Variants in MYPN observed in about 807,000 individuals in gnomAD.
MYPN encodes sarcomeric protein myopalladin, 145 kDa (MYOP).
MYPN carries 63 observed loss-of-function variants against 129.4 expected under a neutral mutation model. The ratio of observed to expected loss-of-function variants is 0.49; its 90% CI spans 0.40 to 0.60. The LOEUF is 0.60. MYPN is among the 20% of genes least tolerant of loss of function. MYPN has a pLI of 0.00. For synonymous variants in MYPN, 629 were observed against 600.9 expected (o/e 1.05, Z -0.68); for missense variants, 1,596 against 1,635.4 (o/e 0.98, Z 0.42).
In MYPN at chr10:68,121,955, A is replaced by G. The variant is rs761512991; in HGVS notation, c.517A>G (p.Ile173Val). The change falls in exon 2 of 20, where the codon ATT (isoleucine) becomes GTT (valine). Residue 173 changes from isoleucine (I) to valine (V), a missense_variant. By Grantham distance (29) the Ile-to-Val change is conservative. Coordinates refer to ENST00000358913, the MANE Select transcript of MYPN (RefSeq NM_032578.4). ...TTTCAAATCCCACAGCTCCAAAAGG[A>G]TTAGACCTCGTGCCTGCAAAAACCA... ...SLFKSHSSKR[I>V]RPRACKNHKS... The G allele has an allele frequency of 6.2e-7, 1 of 1,614,218 alleles. No homozygotes were observed. The highest frequency in any genetic ancestry group is 8.5e-7 in the Non-Finnish European group (1 of 1,180,038).
exon 1 of MYPN, among the ~76,000 whole-genome samples, chr10:68,087,963 C>G (rs2041914808): frequency 6.6e-6 from 1 of 152,166 alleles, no homozygotes; most frequent in African/African-American, 2.4e-5. Flanking sequence ...CCCAATGTAG[C>G]CTTTGGAGCT....
chr10:68,093,251 T>TGG (rs2041939176), intron 1 of MYPN, among the ~76,000 whole-genome samples: 1 of 152,104 alleles, frequency 6.6e-6, no homozygotes, highest in Non-Finnish European at 1.5e-5. Context: ...CCAGTGCTTT[T>TGG]GACCTTGGTA....
intron 2 of MYPN, among the ~76,000 whole-genome samples, chr10:68,126,993 A>T (rs2042335719): frequency 6.6e-6 from 1 of 152,250 alleles, no homozygotes; most frequent in East Asian, 1.9e-4. Flanking sequence ...GCTAGAGTGG[A>T]GTAGTGATTT....
At chr10:68,187,378 C>A (rs768645682) in intron 12 of MYPN, among the ~76,000 whole-genome samples, 3 of 151,020 alleles carry the variant, frequency 2.0e-5, no homozygotes, top group Non-Finnish European at 4.4e-5. Context: ...ATATAGTATA[C>A]AATAATTTTG....
chr10:68,129,063 G>A (rs1439302446), intron 2 of MYPN, among the ~76,000 whole-genome samples: 1 of 151,764 alleles, frequency 6.6e-6, no homozygotes, highest in Non-Finnish European at 1.5e-5. Flanking sequence ...AAGCCTCCTA[G>A]AGCAGGCTAC....
At chr10:68,104,779 T>G (rs1217752857), upstream of MYPN, among the ~76,000 whole-genome samples, 5 of 151,648 alleles carry the variant, frequency 3.3e-5, no homozygotes, top group African/African-American at 1.2e-4. Context: ...TTTTCTATTA[T>G]TTCTTTCTTT....
intron 6 of MYPN, chr10:68,158,060 G>A (rs943602943): frequency 2.2e-5 from 4 of 180,456 alleles, no homozygotes; most frequent in Admixed American, 2.2e-4. Context: ...AGATGATTCT[G>A]TCTTCAAACC....
chr10:68,165,666 T>C, intron 8 of MYPN, 36 bp from the exon 9 acceptor site: 1 of 1,440,406 alleles, frequency 6.9e-7, no homozygotes, highest in Non-Finnish European at 9.8e-7. Context: ...GTTTTCATAA[T>C]GAAGTCAGTA....
chr10:68,184,834 T>C (rs1372997249), intron 12 of MYPN, among the ~76,000 whole-genome samples: 6 of 152,198 alleles, frequency 3.9e-5, no homozygotes, highest in Admixed American at 1.3e-4. Flanking sequence ...CACTAACCAG[T>C]CCTGGGAGTA....
At chr10:68,148,849 T>G (rs547857042) in intron 5 of MYPN, among the ~76,000 whole-genome samples, 42 of 152,192 alleles carry the variant, frequency 2.8e-4, no homozygotes, top group Non-Finnish European at 5.3e-4. Context: ...AGCAAGCATG[T>G]AGTTATTTTT....
chr10:68,195,305 A>G (rs1272232261), intron 14 of MYPN, 145 bp from the exon 15 acceptor site: 1 of 716,774 alleles, frequency 1.4e-6, no homozygotes, highest in Non-Finnish European at 2.5e-6. Flanking sequence ...TTAAGAAATC[A>G]TATTTTATTG....
intron 17 of MYPN, among the ~76,000 whole-genome samples, chr10:68,200,051 G>A (rs2043683335): frequency 6.6e-6 from 1 of 152,134 alleles, no homozygotes; most frequent in South Asian, 2.1e-4. Context: ...GGATCCACCA[G>A]GCACAAATAC....
chr10:68,095,774 G>GA (rs1554836550), intron 1 of MYPN, among the ~76,000 whole-genome samples: 76 of 151,934 alleles, frequency 5.0e-4, no homozygotes, highest in Non-Finnish European at 8.7e-4. Flanking sequence ...GGGAATAGGG[G>GA]GTTATTGTTT....
intron 12 of MYPN, among the ~76,000 whole-genome samples, chr10:68,179,445 G>A (rs1275586667): frequency 6.6e-6 from 1 of 152,110 alleles, no homozygotes; most frequent in African/African-American, 2.4e-5. Flanking sequence ...GTGCAGAGTA[G>A]GTGCTCAGTG....
upstream of MYPN, among the ~76,000 whole-genome samples, chr10:68,101,263 G>A (rs73265246): frequency 0.078 from 11,912 of 152,212 alleles, 1,232 homozygotes; most frequent in African/African-American, 0.24. Context: ...AATTACATAA[G>A]TGGAAGTGAC....
At chr10:68,139,848 G>A (rs560471344) in intron 2 of MYPN, among the ~76,000 whole-genome samples, 1 of 152,336 alleles carries the variant, frequency 6.6e-6, no homozygotes, top group South Asian at 2.1e-4. Flanking sequence ...ACTATTGTAG[G>A]TGCTGACATT....
intron 6 of MYPN, among the ~76,000 whole-genome samples, chr10:68,156,565 G>A (rs71475229): frequency 0.038 from 5,757 of 152,278 alleles, 185 homozygotes; most frequent in Non-Finnish European, 0.06. Flanking sequence ...GAACTACAGC[G>A]CCTCCTGGCT....
intron 13 of MYPN, among the ~76,000 whole-genome samples, chr10:68,192,457 C>CTGTTGTTGTTGTT (rs2043530167): frequency 1.4e-5 from 2 of 145,138 alleles, no homozygotes; most frequent in Admixed American, 6.9e-5. Flanking sequence ...ACCTGTAGTT[C>CTGTTGTTGTTGTT]TGTTGTTGTT....
chr10:68,112,470 G>T (rs1352623699), intron 1 of MYPN, among the ~76,000 whole-genome samples: 1 of 152,040 alleles, frequency 6.6e-6, no homozygotes, highest in East Asian at 1.9e-4. Context: ...ATAATAATAA[G>T]AAAATGGCCT....
Sources: allele counts gnomAD v4.1 joint callset (sites outside exome capture counted in the v4.1 genomes callset), GRCh38; gene constraint gnomAD v4.1.1; transcripts MANE v1.5; gene names NCBI Gene and HGNC (gene_info 2026-07-23, HGNC 2026-07-21).